The following TRIM62 variants were observed in gnomAD, a reference collection of about 807,000 sequenced individuals.
TRIM62 encodes tripartite motif containing 62, also known as E3 ubiquitin-protein ligase TRIM62.
A neutral mutation model predicts 44.2 loss-of-function variants in TRIM62; 39 were observed. The ratio of observed to expected loss-of-function variants is 0.88; its 90% CI spans 0.68 to 1.15. The LOEUF (loss-of-function observed/expected upper bound fraction) is 1.15, where lower values mean the gene tolerates loss of function less well. TRIM62 is among the 50% of genes most tolerant of loss of function. TRIM62 has a pLI of 0.00. For missense variants in TRIM62, 544 were observed against 665.5 expected (o/e 0.82, Z 2.01); for synonymous variants, 278 against 292.3 (o/e 0.95, Z 0.50).
At chr1:33,170,662 A>G (rs1645367048) in intron 1 of TRIM62, among the ~76,000 whole-genome samples, 1 of 152,002 alleles carries the variant, frequency 6.6e-6, no homozygotes, top group South Asian at 2.1e-4. Context: ...ACTTAGGAAA[A>G]CCAAACCCTA....
Position 33,181,420 on chromosome 1 carries a change from G to T in TRIM62, c.13C>A (p.Leu5Ile). 6.3e-7 allele frequency: 1 copy of T among 1,598,620 alleles called. No homozygotes were observed. Residue 5 changes from leucine to isoleucine, a missense_variant, in exon 1 of 5, where the codon CTC becomes ATC. Leu to Ile is a conservative substitution (Grantham distance 5, BLOSUM62 2). Transcript: ENST00000291416. The surrounding 1 kb of genome is among the most constrained non-coding windows in gnomAD (Gnocchi z 6.5). The stretch of plus-strand genomic sequence containing the variant: ...ATGGAGCACAGCAGCTCGTCCTTGA[G>T]GCTGCACGCCATGGCGCCAGGGGCA... Reference protein sequence around the residue: MACSLKDELLCSICL... With the variant: MACSIKDELLCSICL...
Position 33,181,112 on chromosome 1 carries a change from G to A in TRIM62, c.321C>T (p.Arg107=), listed in dbSNP as rs767223339. The change falls in exon 1 of 5, where the codon CGC becomes CGT. Residue 107 remains arginine, a synonymous_variant. Transcript: ENST00000291416. The surrounding 1 kb of genome is among the most constrained non-coding windows in gnomAD (Gnocchi z 6.5). The stretch of plus-strand genomic sequence containing the variant: ...CGTCGCAGAAGAAGCAGAGAAGCGC[G>A]CGGTCCGTGAGGCAGAAGAGCTTGA... ...DKVKLFCLTD[R]ALLCFFCDEP... 3.1e-6 allele frequency: 5 copies of A among 1,600,264 alleles called. No individual in the cohort carries two copies. Among genetic ancestry groups the A allele is most frequent in the South Asian group, 1.1e-5 (1 of 90,648 alleles).
chr1:33,179,060 T>C (rs544400835), intron 1 of TRIM62, among the ~76,000 whole-genome samples: 4 of 152,344 alleles, frequency 2.6e-5, no homozygotes, highest in South Asian at 4.1e-4. Context: ...CTTGGGCAAG[T>C]CACATAACTT....
chr1:33,147,615 C>T lies in TRIM62; in HGVS notation c.990G>A (p.Ser330=), dbSNP rs764412710. The change falls in exon 5 of 5, where the codon TCG becomes TCA. Residue 330 remains serine (S), a synonymous_variant. Transcript: ENST00000291416. The surrounding 1 kb of genome is among the most constrained non-coding windows in gnomAD (Gnocchi z 8.1). ...GNLHPQPLQD[S]PKRFDVEVSV... The stretch of plus-strand genomic sequence containing the variant: ...ACACCTCCACATCGAAGCGCTTTGG[C>T]GAGTCCTGCAGTGGCTGTGGGTGCA... 16 of 1,613,976 alleles carry T rather than the reference C, an allele frequency of 9.9e-6. No homozygotes were observed. In the East Asian group the frequency reaches 1.3e-4, roughly 13 times the overall value.
At chr1:33,156,579 A>G (rs1056509495) in intron 4 of TRIM62, among the ~76,000 whole-genome samples, 2 of 152,036 alleles carry the variant, frequency 1.3e-5, no homozygotes, top group South Asian at 4.2e-4. Context: ...CCTGACTTCT[A>G]GGAGTGTTCC....
chr1:33,179,556 C>T (rs1645445081), intron 1 of TRIM62, among the ~76,000 whole-genome samples: 1 of 152,190 alleles, frequency 6.6e-6, no homozygotes, highest in Non-Finnish European at 1.5e-5. Flanking sequence ...GAGCCAAAAA[C>T]CTTCTGCTTC....
rs1645321676 is a variant in TRIM62, at chr1:33,165,668, C to T, written c.409-102G>A. On this transcript the variant is annotated intron_variant, in intron 1 of 4. Transcript: ENST00000291416. The surrounding 1 kb of genome is among the most constrained non-coding windows in gnomAD (Gnocchi z 4.0). ...GCTGGGGGTTAGCCTGGTCTCTGTC[C>T]CCAACCTCCAACACTTGCCTCCCGT... 1 of 999,152 alleles carries T rather than the reference C, an allele frequency of 1.0e-6. No homozygotes were observed. The highest frequency in any genetic ancestry group is 1.7e-5 in the African/African-American group (1 of 60,438). The allele number at this position is 999,152 out of a possible 1,614,324, so 61.9% of individuals were successfully genotyped here.
intron 2 of TRIM62, chr1:33,162,740 A>G (rs685235): frequency 0.71 from 108,174 of 152,654 alleles, 38,600 homozygotes; most frequent in Admixed American, 0.75. Context: ...CATCAGAGTG[A>G]CAGCCACCCC....
At chr1:33,174,964 T>C (rs55837082) in intron 1 of TRIM62, among the ~76,000 whole-genome samples, 15 of 108,686 alleles carry the variant, frequency 1.4e-4, no homozygotes, top group Non-Finnish European at 2.6e-4. Flanking sequence ...TATATATATA[T>C]ATATACACAC....
chr1:33,156,766 A>G (rs1488341291), intron 4 of TRIM62, among the ~76,000 whole-genome samples: 1 of 152,090 alleles, frequency 6.6e-6, no homozygotes, highest in East Asian at 1.9e-4. Context: ...TGAGATAACT[A>G]ATTGGCATCA....
At chr1:33,162,118 T>G (rs1314389860) in intron 2 of TRIM62, among the ~76,000 whole-genome samples, 3 of 152,336 alleles carry the variant, frequency 2.0e-5, no homozygotes, top group East Asian at 3.9e-4. Flanking sequence ...GCAAACTCAC[T>G]GTCAGAGTGA....
chr1:33,171,389 CAG>C (rs1645373751), intron 1 of TRIM62, among the ~76,000 whole-genome samples: 1 of 152,144 alleles, frequency 6.6e-6, no homozygotes, highest in South Asian at 2.1e-4. Context: ...GTCCATCTCA[CAG>C]AGGGGGAAAT....
At chr1:33,168,489 T>C (rs576564417) in intron 1 of TRIM62, among the ~76,000 whole-genome samples, 1 of 152,196 alleles carries the variant, frequency 6.6e-6, no homozygotes, top group African/African-American at 2.4e-5. Flanking sequence ...GGACTTGGCA[T>C]TGGGATGAGA....
At chr1:33,166,831 C>T (rs1645333009) in intron 1 of TRIM62, among the ~76,000 whole-genome samples, 1 of 152,218 alleles carries the variant, frequency 6.6e-6, no homozygotes, top group African/African-American at 2.4e-5. Flanking sequence ...CAGTGTGGCT[C>T]AGCAGAGCAT....
rs753858654 is a variant in TRIM62, at chr1:33,181,140, T to C, written c.293A>G (p.Lys98Arg). 6.9e-6 allele frequency: 11 copies of C among 1,600,608 alleles called. No individual in the cohort carries two copies. Among genetic ancestry groups the C allele is most frequent in the Admixed American group, 5.0e-5 (3 of 59,718 alleles). Residue 98 changes from lysine (K) to arginine (R), a missense_variant, in exon 1 of 5, where the codon AAG becomes AGG. By Grantham distance (26) the Lys-to-Arg change is conservative. Coordinates refer to ENST00000291416, the MANE Select transcript of TRIM62 (RefSeq NM_018207.3). The surrounding 1 kb of genome is among the most constrained non-coding windows in gnomAD (Gnocchi z 6.5). ...RAARPCQAHD[K>R]VKLFCLTDRA... ...GTCCGTGAGGCAGAAGAGCTTGACC[T>C]TGTCGTGCGCCTGGCAGGGTCGCGC...
chr1:33,181,458 G>C lies in TRIM62; in HGVS notation c.-26C>G. On this transcript the variant is annotated 5_prime_UTR_variant, in exon 1 of 5. Coordinates refer to ENST00000291416, the MANE Select transcript of TRIM62 (RefSeq NM_018207.3). The surrounding 1 kb of genome is among the most constrained non-coding windows in gnomAD (Gnocchi z 6.5). Reference sequence around the variant, plus strand: ...GGCGCCAGGGGCAGCAGAGAGGGGGGCCCGAGGGGCAGGGGGGCGGCTGAG... The same window carrying C: ...GGCGCCAGGGGCAGCAGAGAGGGGGCCCCGAGGGGCAGGGGGGCGGCTGAG... 1 of 1,566,688 alleles carries C rather than the reference G, an allele frequency of 6.4e-7. No homozygotes were observed. The highest frequency in any genetic ancestry group is 8.6e-7 in the Non-Finnish European group (1 of 1,164,782).
At chr1:33,169,919 A>G (rs1645360033) in intron 1 of TRIM62, among the ~76,000 whole-genome samples, 1 of 152,116 alleles carries the variant, frequency 6.6e-6, no homozygotes, top group South Asian at 2.1e-4. Context: ...CAAGACCCAG[A>G]TCAAATGTCA....
intron 1 of TRIM62, among the ~76,000 whole-genome samples, chr1:33,175,706 T>C (rs1323715756): frequency 6.6e-6 from 1 of 151,972 alleles, no homozygotes; most frequent in Non-Finnish European, 1.5e-5. Flanking sequence ...TCAGCCTCAT[T>C]TTCTTCATCT....
In TRIM62 at chr1:33,147,036, C is replaced by T. The variant is rs1430100035; in HGVS notation, c.*141G>A. The T allele has an allele frequency of 6.1e-6, 5 of 826,266 alleles. No individual in the cohort carries two copies. The highest frequency in any genetic ancestry group is 5.2e-5 in the East Asian group (2 of 38,436). The allele number at this position is 826,266 out of a possible 1,614,324, so 51.2% of individuals were successfully genotyped here. ...AGTAGGGAATGCAACCTCCATTTTA[C>T]AGACTGGAGGCTGGAGGGTAAACAA... On this transcript the variant is annotated 3_prime_UTR_variant, in exon 5 of 5. Coordinates refer to ENST00000291416, the MANE Select transcript of TRIM62 (RefSeq NM_018207.3). The surrounding 1 kb of genome is among the most constrained non-coding windows in gnomAD (Gnocchi z 8.1).
Sources: gnomAD v4.1 joint callset for allele counts (sites outside exome capture counted in the v4.1 genomes callset) on GRCh38, gnomAD v4.1.1 for gene constraint, Gnocchi (gnomAD v3.1) non-coding constraint, MANE v1.5 for transcripts, NCBI Gene and HGNC (gene_info 2026-07-23, HGNC 2026-07-21) for gene names.